The following ZFP64 variants were observed in gnomAD, a reference collection of about 807,000 sequenced individuals.
The protein encoded by ZFP64 is zinc finger protein 64.
A neutral mutation model predicts 51.6 loss-of-function variants in ZFP64; 14 were observed. That is an observed-to-expected ratio of 0.27 (90% CI 0.18 to 0.42). The LOEUF is 0.42. ZFP64 is among the 10% of genes least tolerant of loss of function. ZFP64 has a pLI of 1.00. For synonymous variants in ZFP64, 375 were observed against 361.4 expected (o/e 1.04, Z -0.43); for missense variants, 754 against 906.8 (o/e 0.83, Z 2.16).
In ZFP64 at chr20:52,134,028, C is replaced by CAA. The variant is rs59218544; in HGVS notation, c.763+26093_763+26094dup. Among the ~76,000 whole-genome samples, 176 of 97,322 alleles carry CAA rather than the reference C, an allele frequency of 1.8e-3. 1 individual carries two copies. Among genetic ancestry groups the CAA allele is most frequent in the African/African-American group, 6.2e-3 (135 of 21,912 alleles). 63.8% of individuals were successfully genotyped at this position (97,322 alleles called of 152,430 possible). ...TGGGCAACAGAGTGAGATCCTGTCTCAAAAAAAAAAAAAAAAAAAAAAAAG... is the reference window on the plus strand; with the variant it reads ...TGGGCAACAGAGTGAGATCCTGTCTCAAAAAAAAAAAAAAAAAAAAAAAAAAG... On this transcript the variant is annotated intron_variant, in intron 5 of 8. Coordinates refer to the ZFP64 transcript ENST00000361387.
intron 5 of ZFP64, among the ~76,000 whole-genome samples, chr20:52,108,861 AACACAC>A (rs57127987): frequency 0.011 from 1,586 of 139,700 alleles, 7 homozygotes; most frequent in African/African-American, 0.026. Flanking sequence ...GAAAATCTGA[AACACAC>A]ACACACACAC....
At chr20:52,173,345 G>C (rs1375251773) in intron 2 of ZFP64, among the ~76,000 whole-genome samples, 1 of 152,140 alleles carries the variant, frequency 6.6e-6, no homozygotes, top group Non-Finnish European at 1.5e-5. Context: ...CCAGCAATTT[G>C]GGAGGCTGAG....
At chr20:52,119,096 G>A (rs1979028346) in intron 5 of ZFP64, among the ~76,000 whole-genome samples, 1 of 152,122 alleles carries the variant, frequency 6.6e-6, no homozygotes, top group Non-Finnish European at 1.5e-5. Flanking sequence ...AATGAACTAT[G>A]ATCATGCCAT....
intron 5 of ZFP64, among the ~76,000 whole-genome samples, chr20:52,158,866 G>T (rs1981542342): frequency 1.3e-5 from 2 of 152,192 alleles, no homozygotes; most frequent in Admixed American, 1.3e-4. Context: ...TGTGATGCTT[G>T]ACAACTTATA....
At chr20:52,177,970 T>G (rs902884379) in intron 2 of ZFP64, among the ~76,000 whole-genome samples, 8 of 149,378 alleles carry the variant, frequency 5.4e-5, no homozygotes, top group Non-Finnish European at 7.4e-5. Flanking sequence ...AGGCAGAGGT[T>G]GCAGTGAGCC....
chr20:52,161,148 G>A (rs147147634), intron 4 of ZFP64, among the ~76,000 whole-genome samples: 63 of 152,246 alleles, frequency 4.1e-4, no homozygotes, highest in Middle Eastern at 3.4e-3. Context: ...GCTCACCTCC[G>A]GACAGTTACA....
intron 2 of ZFP64, among the ~76,000 whole-genome samples, chr20:52,180,288 G>A (rs986980627): frequency 9.2e-5 from 14 of 152,118 alleles, no homozygotes; most frequent in Non-Finnish European, 1.5e-4. Flanking sequence ...TGCTGCAAAC[G>A]CCACCCTTGG....
intron 5 of ZFP64, among the ~76,000 whole-genome samples, chr20:52,103,997 G>A (rs1028454404): frequency 6.6e-6 from 1 of 152,228 alleles, no homozygotes; most frequent in African/African-American, 2.4e-5. Context: ...CTGGAGGGGT[G>A]AGCCGCCCCG....
intron 5 of ZFP64, among the ~76,000 whole-genome samples, chr20:52,144,635 G>A (rs1394845859): frequency 7.5e-6 from 1 of 133,474 alleles, no homozygotes; most frequent in Non-Finnish European, 1.6e-5. Flanking sequence ...AATGGAGGAG[G>A]GGTAGAGAAA....
Position 52,153,036 on chromosome 20 carries a change from G to A in ZFP64, c.1156C>T (p.Leu386=). Residue 386 remains leucine, a synonymous_variant, in exon 6 of 6, where the codon CTG becomes TTG. Transcript: ENST00000216923. The surrounding 1 kb of genome is among the most constrained non-coding windows in gnomAD (Gnocchi z 5.1). ...CSFDTKQPSN[L]SKHMKKFHGD... is the part of the protein sequence containing the mutation. ...TGGAACTTCTTCATGTGCTTGCTCA[G>A]GTTGCTGGGCTGTTTGGTGTCGAAG... 6.2e-7 allele frequency: 1 copy of A among 1,614,140 alleles called. No homozygotes were observed.
intron 5 of ZFP64, among the ~76,000 whole-genome samples, chr20:52,135,368 A>G (rs1359053663): frequency 6.6e-6 from 1 of 152,232 alleles, no homozygotes. Context: ...GATATGGCCC[A>G]CAAAGCTGAA....
At chr20:52,096,406 T>A (rs1425455792) in intron 7 of ZFP64, among the ~76,000 whole-genome samples, 1 of 152,238 alleles carries the variant, frequency 6.6e-6, no homozygotes, top group African/African-American at 2.4e-5. Flanking sequence ...GTGTTCAGGA[T>A]GGCAGAGCCA....
Position 52,151,964 on chromosome 20 carries a change from G to T in ZFP64, c.*182C>A. ...AGGCATGAGAATCGCTTGAACCTGGGAGGCGGACGTTGCAGTGAGCCAAGA... is the reference window on the plus strand; with the variant it reads ...AGGCATGAGAATCGCTTGAACCTGGTAGGCGGACGTTGCAGTGAGCCAAGA... On this transcript the variant is annotated 3_prime_UTR_variant, in exon 6 of 6. Coordinates refer to ENST00000216923, the MANE Select transcript of ZFP64 (RefSeq NM_018197.3). 1 of 1,309,974 alleles carries T rather than the reference G, an allele frequency of 7.6e-7. No homozygotes were observed. 81.1% of individuals were successfully genotyped at this position (1,309,974 alleles called of 1,614,324 possible). A position where few individuals can be genotyped will look rare whatever the true frequency, so the allele number is the denominator to read the frequency against.
chr20:52,113,588 C>T (rs1978713808), intron 5 of ZFP64, among the ~76,000 whole-genome samples: 1 of 106,202 alleles, frequency 9.4e-6, no homozygotes, highest in Admixed American at 1.2e-4. Context: ...GCCACCATAC[C>T]TGGCTTTTTT....
intron 2 of ZFP64, among the ~76,000 whole-genome samples, chr20:52,173,415 C>T (rs6063759): frequency 2.6e-5 from 4 of 152,018 alleles, no homozygotes; most frequent in African/African-American, 7.2e-5. Context: ...AGGGAGACGC[C>T]GTCTCCACAA....
intron 4 of ZFP64, among the ~76,000 whole-genome samples, chr20:52,162,401 C>A (rs969818471): frequency 2.0e-5 from 3 of 151,604 alleles, no homozygotes; most frequent in Non-Finnish European, 4.4e-5. Flanking sequence ...CCGAGGCGGG[C>A]GGATCATGAG....
intron 2 of ZFP64, among the ~76,000 whole-genome samples, chr20:52,174,836 A>G (rs1017582498): frequency 6.6e-6 from 1 of 152,176 alleles, no homozygotes; most frequent in African/African-American, 2.4e-5. Flanking sequence ...GTGATTATAT[A>G]ATTATAACAT....
At chr20:52,145,794 G>A (rs1980496174) in intron 5 of ZFP64, among the ~76,000 whole-genome samples, 1 of 152,130 alleles carries the variant, frequency 6.6e-6, no homozygotes, top group African/African-American at 2.4e-5. Flanking sequence ...GAATGTGAAG[G>A]CCTAGGTCAT....
intron 1 of ZFP64, 53 bp from the exon 2 acceptor site, chr20:52,187,124 T>A: frequency 6.4e-7 from 1 of 1,556,998 alleles, no homozygotes; most frequent in Non-Finnish European, 8.7e-7. Flanking sequence ...CTTTGAATTG[T>A]AATGCAGACC....
Sources: allele counts gnomAD v4.1 joint callset (sites outside exome capture counted in the v4.1 genomes callset), GRCh38; gene constraint gnomAD v4.1.1; non-coding constraint Gnocchi (gnomAD v3.1); transcripts MANE v1.5; gene names NCBI Gene and HGNC (gene_info 2026-07-23, HGNC 2026-07-21).